Variants in LAMB2 observed in about 807,000 individuals in gnomAD.
The protein encoded by LAMB2 is laminin subunit beta-2.
Under a neutral mutation model 202.7 loss-of-function variants are expected in LAMB2, and 119 were observed. The ratio of observed to expected loss-of-function variants is 0.59; its 90% CI spans 0.51 to 0.68. The LOEUF (loss-of-function observed/expected upper bound fraction) is 0.68. Among genes scored for constraint, LAMB2 ranks in the 30% least tolerant of loss-of-function variants. The probability of loss-of-function intolerance (pLI) is 0.00; values close to 1 mark genes in which losing one functional copy is unlikely to be tolerated. For synonymous variants in LAMB2, 818 were observed against 902.2 expected (o/e 0.91, Z 1.67); for missense variants, 2,124 against 2,410.6 (o/e 0.88, Z 2.49).
At position 49,125,573 on chromosome 3, in the gene LAMB2, T is replaced by C; in HGVS notation, c.2489-89A>G. On this transcript the variant is annotated intron_variant, in intron 18 of 31. Transcript: ENST00000305544. ...GAGGGTCTCAGGGGAGTGTGAGTAG[T>C]GGGAGTCTAGGTGGGAAGGTCAGGA... 8.6e-6 allele frequency: 12 copies of C among 1,394,150 alleles called. No individual in the cohort carries two copies. The South Asian group carries it at 1.1e-4, about 13-fold the overall frequency. The allele number at this position is 1,394,150 out of a possible 1,614,324, so 86.4% of individuals were successfully genotyped here.
rs764762837 is a variant in LAMB2 at position 49,132,875 on chromosome 3, A to T, written c.-8T>A. The T allele has an allele frequency of 6.2e-7, 1 of 1,613,572 alleles. No homozygotes were observed. Among genetic ancestry groups the T allele is most frequent in the South Asian group, 1.1e-5 (1 of 91,062 alleles). On this transcript the variant is annotated 5_prime_UTR_variant, in exon 1 of 32. Transcript: ENST00000305544. This position sits in a 1 kb window ranked among gnomAD's most constrained non-coding sequence, Gnocchi z 4.6. ...CCTTGAGGTCAGCTCCATCCTGAAG[A>T]GGGGAACAGGGATAAGGGGAGGTGA...
At chr3:49,127,184 C>G (rs1256419122) in intron 15 of LAMB2, among the ~76,000 whole-genome samples, 1 of 152,076 alleles carries the variant, frequency 6.6e-6, no homozygotes, top group Non-Finnish European at 1.5e-5. Context: ...CAGGGTCTCG[C>G]CATGTTGCCT....
chr3:49,128,787 G>C lies in LAMB2; in HGVS notation c.1764C>G (p.Pro588=). 1 of 1,613,754 alleles carries C rather than the reference G, an allele frequency of 6.2e-7. No individual in the cohort carries two copies. The highest frequency in any genetic ancestry group is 8.5e-7 in the Non-Finnish European group (1 of 1,179,770). ...AGCCAGTCCAGGATGGAGTTTCCCC[G>C]GGGGTCACCAGGCGCTCCACCACAT... ...VLDVVERLVT[P]GETPSWTGSG... is the part of the protein sequence containing the mutation. The change falls in exon 14 of 32, where the codon CCC becomes CCG. Residue 588 remains proline (P), a synonymous_variant. Transcript: ENST00000305544.
Position 49,125,757 on chromosome 3 carries a change from T to C in LAMB2, c.2478A>G (p.Thr826=). 6.2e-7 allele frequency: 1 copy of C among 1,613,948 alleles called. No individual in the cohort carries two copies. The highest frequency in any genetic ancestry group is 2.2e-5 in the East Asian group (1 of 44,846). ...GGGGCAGAAGAGTACCTTGACAGCC[T>C]GTGGGGCCAAAGCCATAGTAGCCAG... ...CAPGYYGFGP[T]GCQACQCSHE... Residue 826 remains threonine, a synonymous_variant, in exon 18 of 32, where the codon ACA becomes ACG. Transcript: ENST00000305544.
chr3:49,122,533 A>C, intron 27 of LAMB2, 163 bp from the exon 28 acceptor site: 1 of 925,160 alleles, frequency 1.1e-6, no homozygotes. Flanking sequence ...GCTCAGACTC[A>C]AGAACATGGA....
chr3:49,125,503 T>TGAGACA lies in LAMB2; in HGVS notation c.2489-20_2489-19insTGTCTC. 6.4e-7 allele frequency: 1 copy of TGAGACA among 1,558,846 alleles called. No individual in the cohort carries two copies. The highest frequency in any genetic ancestry group is 8.7e-7 in the Non-Finnish European group (1 of 1,150,172). On this transcript the variant is annotated intron_variant, in intron 18 of 31. Transcript: ENST00000305544. ...TGGCAGGCTAGGAGCAAGGCAGAGC[T>TGAGACA]GAGCCAGAGCCAGGGGAGGGGGTCT...
rs760983585 is a variant in LAMB2, at chr3:49,122,278, C to T, written c.4666G>A (p.Ala1556Thr). The T allele has an allele frequency of 6.2e-6, 10 of 1,613,560 alleles. No individual in the cohort carries two copies. Among genetic ancestry groups the T allele is most frequent in the Non-Finnish European group, 7.6e-6 (9 of 1,180,038 alleles). The change falls in exon 28 of 32, where the codon GCG becomes ACG. Residue 1556 changes from alanine to threonine, a missense_variant. Coordinates refer to ENST00000305544, the MANE Select transcript of LAMB2 (RefSeq NM_002292.4). ...PASAEQIQHL[A>T]GAIAERVRSL... ...CGGACTCGCTCTGCAATCGCACCCG[C>T]CAGGTGCTGGATCTGCTCAGCTGAA... is the stretch of plus-strand genomic sequence containing the variant.
chr3:49,125,494 A>G lies in LAMB2; in HGVS notation c.2489-10T>C, dbSNP rs1456987219. 10 of 1,536,318 alleles carry G rather than the reference A, an allele frequency of 6.5e-6. No individual in the cohort carries two copies. The Admixed American group carries it at 1.3e-4, about 21-fold the overall frequency. On this transcript the variant is annotated splice_polypyrimidine_tract_variant and intron_variant, in intron 18 of 31. Transcript: ENST00000305544. Reference sequence around the variant, plus strand: ...TGGCTGCACTGGCAGGCTAGGAGCAAGGCAGAGCTGAGCCAGAGCCAGGGG... The same window carrying G: ...TGGCTGCACTGGCAGGCTAGGAGCAGGGCAGAGCTGAGCCAGAGCCAGGGG...
At position 49,132,067 on chromosome 3, in the gene LAMB2, T is replaced by C. The variant is rs2045487265; in HGVS notation, c.459+49A>G. 6.4e-7 allele frequency: 1 copy of C among 1,561,470 alleles called. No homozygotes were observed. Among genetic ancestry groups the C allele is most frequent in the Non-Finnish European group, 8.8e-7 (1 of 1,132,402 alleles). The stretch of plus-strand genomic sequence containing the variant: ...GAGCTGAGGCTCTGTCCAGGGGCAA[T>C]GGAGAGCCAAGCAGGGTGATTCGGG... On this transcript the variant is annotated intron_variant, in intron 4 of 31. Coordinates refer to ENST00000305544, the MANE Select transcript of LAMB2 (RefSeq NM_002292.4). The surrounding 1 kb of genome is among the most constrained non-coding windows in gnomAD (Gnocchi z 4.6).
chr3:49,127,132 C>G (rs1011891462), intron 15 of LAMB2, among the ~76,000 whole-genome samples: 1 of 152,254 alleles, frequency 6.6e-6, no homozygotes, highest in East Asian at 1.9e-4. Context: ...ACCACAAGCA[C>G]ACACCACCAT....
rs1393028837 is a variant in LAMB2, at chr3:49,121,714, A to G, written c.5070T>C (p.Ser1690=). ...CAGCCTCCTGGGCACGACCCTGGGCACTGCCTGCCGTTTCTTCTGCTGTAG... is the reference window on the plus strand; with the variant it reads ...CAGCCTCCTGGGCACGACCCTGGGCGCTGCCTGCCGTTTCTTCTGCTGTAG... ...AASTAEETAG[S]AQGRAQEAEQ... Residue 1690 remains serine, a synonymous_variant, in exon 30 of 32, where the codon AGT becomes AGC. Transcript: ENST00000305544. 23 of 1,613,790 alleles carry G rather than the reference A, an allele frequency of 1.4e-5. No homozygotes were observed. The highest frequency in any genetic ancestry group is 4.0e-5 in the African/African-American group (3 of 74,880).
Position 49,122,105 on chromosome 3 carries a change from A to G in LAMB2, c.4782-20T>C. Reference sequence around the variant, plus strand: ...CAGCTCCTGGGGAGAAGGGGGAATCAGAACCTGGAGGTATCAAAACCAGGT... The same window carrying G: ...CAGCTCCTGGGGAGAAGGGGGAATCGGAACCTGGAGGTATCAAAACCAGGT... On this transcript the variant is annotated intron_variant, in intron 28 of 31. Transcript: ENST00000305544. 6.2e-7 allele frequency: 1 copy of G among 1,613,454 alleles called. No homozygotes were observed. The highest frequency in any genetic ancestry group is 8.5e-7 in the Non-Finnish European group (1 of 1,180,038).
In LAMB2 at chr3:49,131,023, C is replaced by T. The variant is rs1458699306; in HGVS notation, c.842G>A (p.Gly281Asp). 1 of 1,613,866 alleles carries T rather than the reference C, an allele frequency of 6.2e-7. No individual in the cohort carries two copies. Among genetic ancestry groups the T allele is most frequent in the African/African-American group, 1.3e-5 (1 of 74,920 alleles). The change falls in exon 7 of 32, where the codon GGC becomes GAC. Residue 281 changes from glycine to aspartate, a missense_variant. Gly to Asp is a moderately conservative substitution (Grantham distance 94). Around this residue, in one of 3 missense-constraint regions of LAMB2, gnomAD observed 256 missense variants for 356.1 expected, o/e 0.72. Coordinates refer to ENST00000305544, the MANE Select transcript of LAMB2 (RefSeq NM_002292.4). The surrounding 1 kb of genome is among the most constrained non-coding windows in gnomAD (Gnocchi z 5.0). ...GGCGTGTCCGTAGCAGAAGCAGTTGCCACGTACAACCAGCTCATAGAGGGC... is the reference window on the plus strand; with the variant it reads ...GGCGTGTCCGTAGCAGAAGCAGTTGTCACGTACAACCAGCTCATAGAGGGC... ...YYALYELVVR[G>D]NCFCYGHASE...
chr3:49,122,095 A>T lies in LAMB2; in HGVS notation c.4782-10T>A. On this transcript the variant is annotated splice_polypyrimidine_tract_variant and intron_variant, in intron 28 of 31. Coordinates refer to ENST00000305544, the MANE Select transcript of LAMB2 (RefSeq NM_002292.4). ...ATCCTCAGCCCAGCTCCTGGGGAGA[A>T]GGGGGAATCAGAACCTGGAGGTATC... 1 of 1,613,292 alleles carries T rather than the reference A, an allele frequency of 6.2e-7. No individual in the cohort carries two copies. The highest frequency in any genetic ancestry group is 8.5e-7 in the Non-Finnish European group (1 of 1,180,020).
In LAMB2 at chr3:49,126,414, C is replaced by A. The variant is rs916381198; in HGVS notation, c.2102G>T (p.Ser701Ile). The change falls in exon 16 of 32, where the codon AGT (serine) becomes ATT (isoleucine). Residue 701 changes from serine (S) to isoleucine (I), a missense_variant. Ser to Ile is a moderately radical substitution (Grantham distance 142, BLOSUM62 -2). Transcript: ENST00000305544. Reference sequence around the variant, plus strand: ...AGAGTAGGGAGTCTCAGGCTGGGCACTTCCCCCTGTCCGTACCAGCTTCAG... The same window carrying A: ...AGAGTAGGGAGTCTCAGGCTGGGCAATTCCCCCTGTCCGTACCAGCTTCAG... ...LHLKLVRTGG[S>I]AQPETPYSGP... 15 of 1,614,184 alleles carry A rather than the reference C, an allele frequency of 9.3e-6. No homozygotes were observed. Among genetic ancestry groups the A allele is most frequent in the Non-Finnish European group, 1.3e-5 (15 of 1,180,038 alleles).
rs748625373 is a variant in LAMB2 at position 49,132,649 on chromosome 3, G to C, written c.91C>G (p.Leu31Val). ...ACATCCGGGGCAGGGGCCTGTGCCA[G>C]TGTGGCAGCCAGCACTGGGGACAGT... ...GLLLSVLAATLAQAPAPDVPG... is the reference protein window; with the variant it reads ...GLLLSVLAATVAQAPAPDVPG... Residue 31 changes from leucine to valine, a missense_variant, in exon 2 of 32, where the codon CTG (leucine) becomes GTG (valine). Coordinates refer to ENST00000305544, the MANE Select transcript of LAMB2 (RefSeq NM_002292.4). This position sits in a 1 kb window ranked among gnomAD's most constrained non-coding sequence, Gnocchi z 4.6. The C allele has an allele frequency of 8.7e-6, 14 of 1,614,140 alleles. No homozygotes were observed. The highest frequency in any genetic ancestry group is 6.7e-5 in the East Asian group (3 of 44,888).
rs2045414145 is a variant in LAMB2 at position 49,126,294 on chromosome 3, C to T, written c.2151+71G>A. Reference sequence around the variant, plus strand: ...GGCCTGCCTCTTCTGCCACAGACCCCTGCTATCCCTCAAGTCCCACACCAC... The same window carrying T: ...GGCCTGCCTCTTCTGCCACAGACCCTTGCTATCCCTCAAGTCCCACACCAC... On this transcript the variant is annotated intron_variant, in intron 16 of 31. Coordinates refer to ENST00000305544, the MANE Select transcript of LAMB2 (RefSeq NM_002292.4). 9 of 1,611,540 alleles carry T rather than the reference C, an allele frequency of 5.6e-6. No homozygotes were observed. The South Asian group carries it at 9.9e-5, about 18-fold the overall frequency.
Position 49,123,351 on chromosome 3 carries a change from A to C in LAMB2, c.4005T>G (p.His1335Gln). Reference sequence around the variant, plus strand: ...CTGCCTCTGCAGACTGGCTATGGGCATGCCGGATGCTGTCATAGGCACCTA... The same window carrying C: ...CTGCCTCTGCAGACTGGCTATGGGCCTGCCGGATGCTGTCATAGGCACCTA... ...NFLGAYDSIR[H>Q]AHSQSAEAER... Residue 1335 changes from histidine to glutamine, a missense_variant, in exon 26 of 32, where the codon CAT becomes CAG. Around this residue, in one of 3 missense-constraint regions of LAMB2, gnomAD observed 1,702 missense variants for 1,896.3 expected, o/e 0.90. Coordinates refer to ENST00000305544, the MANE Select transcript of LAMB2 (RefSeq NM_002292.4). The C allele has an allele frequency of 6.2e-7, 1 of 1,614,028 alleles. No homozygotes were observed.
intron 27 of LAMB2, 30 bp downstream of exon 27, chr3:49,122,674 C>A (rs762210641): frequency 6.3e-7 from 1 of 1,588,618 alleles, no homozygotes; most frequent in Non-Finnish European, 8.6e-7. Flanking sequence ...AGGGGACAAC[C>A]ACATGGCCTG....
Sources: allele counts gnomAD v4.1 joint callset (sites outside exome capture counted in the v4.1 genomes callset), GRCh38; gene constraint gnomAD v4.1.1; regional missense constraint gnomAD v4.1.1; non-coding constraint Gnocchi (gnomAD v3.1); transcripts MANE v1.5; gene names NCBI Gene and HGNC (gene_info 2026-07-23, HGNC 2026-07-21).